The following LSAMP variants were observed in gnomAD, a reference collection of about 807,000 sequenced individuals.
The protein encoded by LSAMP is limbic system associated membrane protein, also known as limbic system-associated membrane protein.
In LSAMP, 7 loss-of-function variants were observed where a neutral mutation model predicts 38.6. That is an observed-to-expected ratio of 0.18 (90% CI 0.10 to 0.34). The LOEUF is 0.34. Ranked by LOEUF, LSAMP falls within the 10% of genes least tolerant of loss-of-function variation. The pLI, the probability that LSAMP is intolerant of heterozygous loss-of-function variation, is 1.00. For missense variants in LSAMP, 313 were observed against 420.0 expected (o/e 0.75, Z 2.23); for synonymous variants, 154 against 166.8 (o/e 0.92, Z 0.59).
chr3:116,247,799 T>C (rs918368142), intron 1 of LSAMP, among the ~76,000 whole-genome samples: 2 of 152,150 alleles, frequency 1.3e-5, no homozygotes, highest in African/African-American at 4.8e-5. Flanking sequence ...TAGTTAAACA[T>C]AAAGTGAAAA....
intron 1 of LSAMP, among the ~76,000 whole-genome samples, chr3:116,394,423 C>T (rs977020023): frequency 1.3e-5 from 2 of 152,152 alleles, no homozygotes; most frequent in Non-Finnish European, 2.9e-5. Flanking sequence ...TGACCGAGGC[C>T]AATGAAGAAT....
chr3:115,952,897 A>T (rs1013434798), intron 3 of LSAMP, among the ~76,000 whole-genome samples: 1 of 152,240 alleles, frequency 6.6e-6, no homozygotes, highest in African/African-American at 2.4e-5. Context: ...AAAAATAATT[A>T]CTGAATGCTT....
At chr3:115,951,229 C>A (rs1204975543) in intron 3 of LSAMP, among the ~76,000 whole-genome samples, 1 of 151,984 alleles carries the variant, frequency 6.6e-6, no homozygotes, top group Non-Finnish European at 1.5e-5. Flanking sequence ...AGTTCATAAC[C>A]AACACTACAA....
intron 3 of LSAMP, among the ~76,000 whole-genome samples, chr3:115,866,688 G>T (rs1935870183): frequency 6.6e-6 from 1 of 151,932 alleles, no homozygotes; most frequent in South Asian, 2.1e-4. Flanking sequence ...CTCAAGTCTT[G>T]GTTTGCAAAG....
At chr3:116,399,178 G>A (rs903853574) in intron 1 of LSAMP, among the ~76,000 whole-genome samples, 7 of 152,194 alleles carry the variant, frequency 4.6e-5, no homozygotes, top group African/African-American at 1.7e-4. Flanking sequence ...CAAAGGACTT[G>A]TTCATCTTTG....
chr3:116,225,401 G>A lies in LSAMP; in HGVS notation c.156-138845C>T, dbSNP rs181734432. ...AAAGGAAGGATTATCCTCTAGAGCCGTCAGAGGGAGCACATCATTGCCACA... is the reference window on the plus strand; with the variant it reads ...AAAGGAAGGATTATCCTCTAGAGCCATCAGAGGGAGCACATCATTGCCACA... On this transcript the variant is annotated intron_variant, in intron 1 of 6. Coordinates refer to ENST00000490035, the MANE Select transcript of LSAMP (RefSeq NM_002338.5). 1.3e-4 allele frequency among the ~76,000 whole-genome samples: 20 copies of A among 152,290 alleles called. 1 individual carries two copies. The East Asian group carries it at 3.1e-3, about 24-fold the overall frequency.
intron 1 of LSAMP, among the ~76,000 whole-genome samples, chr3:116,416,060 T>TA (rs1487499979): frequency 1.3e-5 from 2 of 152,200 alleles, no homozygotes; most frequent in African/African-American, 4.8e-5. Context: ...GAAGCAGAGT[T>TA]ACAATTCACA....
At chr3:116,171,354 T>C (rs1710193850) in intron 1 of LSAMP, among the ~76,000 whole-genome samples, 1 of 152,146 alleles carries the variant, frequency 6.6e-6, no homozygotes, top group African/African-American at 2.4e-5. Flanking sequence ...CATTGAATCA[T>C]GCAGGAATAT....
intron 3 of LSAMP, among the ~76,000 whole-genome samples, chr3:116,000,307 C>T (rs1576296476): frequency 6.6e-6 from 1 of 152,098 alleles, no homozygotes; most frequent in East Asian, 1.9e-4. Flanking sequence ...GATACAAGAA[C>T]TATATATGTA....
intron 1 of LSAMP, among the ~76,000 whole-genome samples, chr3:116,213,935 C>T (rs2046190897): frequency 6.6e-6 from 1 of 152,130 alleles, no homozygotes; most frequent in Non-Finnish European, 1.5e-5. Context: ...AACCAATGGG[C>T]ATAAAGTTTC....
At chr3:116,441,070 CA>C (rs964230353) in intron 1 of LSAMP, among the ~76,000 whole-genome samples, 28 of 152,084 alleles carry the variant, frequency 1.8e-4, no homozygotes, top group Non-Finnish European at 2.8e-4. Context: ...TAGAAACAAA[CA>C]GGGAATTAAA....
rs143531356 is a variant in LSAMP at position 115,974,665 on chromosome 3, A to G, written c.514+44850T>C. 4.3e-3 allele frequency among the ~76,000 whole-genome samples: 649 copies of G among 152,330 alleles called. 2 individuals are homozygous for G. Among genetic ancestry groups the G allele is most frequent in the African/African-American group, 0.015 (624 of 41,580 alleles). On this transcript the variant is annotated intron_variant, in intron 3 of 6. Coordinates refer to ENST00000490035, the MANE Select transcript of LSAMP (RefSeq NM_002338.5). ...AGAGTAAGGTGAATCTTTGAAGACA[A>G]GGGGAATAGAGGAAGCAGATGTCTC...
chr3:116,330,588 T>A (rs1454041102), intron 1 of LSAMP, among the ~76,000 whole-genome samples: 2 of 151,994 alleles, frequency 1.3e-5, no homozygotes, highest in Non-Finnish European at 2.9e-5. Flanking sequence ...TTTTTCTCCC[T>A]TTTGGAAGCC....
chr3:116,322,349 A>G (rs1349446874), intron 1 of LSAMP, among the ~76,000 whole-genome samples: 1 of 152,230 alleles, frequency 6.6e-6, no homozygotes, highest in Admixed American at 6.5e-5. Flanking sequence ...GAGTCATTAC[A>G]TGAAAATAGG....
At chr3:116,414,489 C>T (rs556346349) in intron 1 of LSAMP, among the ~76,000 whole-genome samples, 1 of 152,200 alleles carries the variant, frequency 6.6e-6, no homozygotes, top group South Asian at 2.1e-4. Flanking sequence ...AAACATAGGT[C>T]TGACCTCAAC....
intron 3 of LSAMP, among the ~76,000 whole-genome samples, chr3:115,970,768 A>C (rs1262832961): frequency 2.0e-4 from 31 of 152,312 alleles, no homozygotes; most frequent in Non-Finnish European, 1.5e-5. Flanking sequence ...AAAATCTTTA[A>C]AAATAGGATA....
chr3:115,858,297 C>A (rs1935572069), intron 3 of LSAMP, among the ~76,000 whole-genome samples: 1 of 152,102 alleles, frequency 6.6e-6, no homozygotes, highest in Admixed American at 6.5e-5. Context: ...GCCTCAAAAA[C>A]TTCCCAGGAC....
chr3:115,867,100 A>G (rs1006959650), intron 3 of LSAMP, among the ~76,000 whole-genome samples: 1 of 151,964 alleles, frequency 6.6e-6, no homozygotes, highest in Non-Finnish European at 1.5e-5. Flanking sequence ...ATTGAGTAGC[A>G]AACACTGAGA....
chr3:116,327,396 A>G (rs2047788198), intron 1 of LSAMP, among the ~76,000 whole-genome samples: 1 of 151,986 alleles, frequency 6.6e-6, no homozygotes, highest in Non-Finnish European at 1.5e-5. Flanking sequence ...CTATGTACGG[A>G]ATATTCTTCT....
Sources: allele counts gnomAD v4.1 joint callset (sites outside exome capture counted in the v4.1 genomes callset), GRCh38; gene constraint gnomAD v4.1.1; transcripts MANE v1.5; gene names NCBI Gene and HGNC (gene_info 2026-07-23, HGNC 2026-07-21).